Variants in TANC2 observed in about 807,000 individuals in gnomAD.
The protein encoded by TANC2 is protein TANC2.
A neutral mutation model predicts 210.5 loss-of-function variants in TANC2; 26 were observed. The observed-to-expected ratio is 0.12, with a 90% CI of 0.09 to 0.17. TANC2 has a LOEUF of 0.17. Ranked by LOEUF, TANC2 falls within the 10% of genes least tolerant of loss-of-function variation. TANC2 has a pLI of 1.00. For synonymous variants in TANC2, 931 were observed against 967.1 expected (o/e 0.96, Z 0.69); for missense variants, 2,129 against 2,608.9 (o/e 0.82, Z 4.01).
At chr17:63,387,214 C>G (rs1039808018) in intron 15 of TANC2, among the ~76,000 whole-genome samples, 7 of 152,000 alleles carry the variant, frequency 4.6e-5, no homozygotes, top group African/African-American at 1.7e-4. Flanking sequence ...AATATCCCCA[C>G]AGGGAGAAAA....
intron 14 of TANC2, among the ~76,000 whole-genome samples, chr17:63,368,858 G>A (rs1056988178): frequency 1.1e-4 from 16 of 152,314 alleles, no homozygotes; most frequent in Middle Eastern, 3.4e-3. Context: ...AAAACGGGAA[G>A]ATAAAAAGTA....
intron 7 of TANC2, among the ~76,000 whole-genome samples, chr17:63,225,505 C>A (rs1256418354): frequency 2.0e-5 from 3 of 152,208 alleles, no homozygotes; most frequent in African/African-American, 7.2e-5. Context: ...TCACTGTCTA[C>A]TGTACATCTT....
chr17:63,332,568 C>T (rs533157557), intron 11 of TANC2: 121 of 317,594 alleles, frequency 3.8e-4, no homozygotes, highest in Non-Finnish European at 6.7e-5. Flanking sequence ...CACACAGGCC[C>T]CGCTGCCTCT....
At chr17:63,321,185 G>A (rs937568999) in intron 11 of TANC2, among the ~76,000 whole-genome samples, 2 of 151,396 alleles carry the variant, frequency 1.3e-5, no homozygotes, top group African/African-American at 4.9e-5. Context: ...GCAACAGAGT[G>A]AGACTCCATC....
intron 21 of TANC2, among the ~76,000 whole-genome samples, chr17:63,406,785 A>G (rs2147294798): frequency 6.6e-6 from 1 of 152,348 alleles, no homozygotes; most frequent in South Asian, 2.1e-4. Context: ...AAGTTAAAGG[A>G]GATGATGATC....
chr17:63,056,013 ATATATATATATG>A (rs1199818117), intron 2 of TANC2, among the ~76,000 whole-genome samples: 2 of 89,090 alleles, frequency 2.2e-5, no homozygotes, highest in African/African-American at 7.4e-5. Context: ...ATATATATAT[ATATATATATATG>A]CCAGGGGTGG....
intron 1 of TANC2, among the ~76,000 whole-genome samples, chr17:62,981,106 G>A: frequency 6.6e-6 from 1 of 152,162 alleles, no homozygotes; most frequent in East Asian, 1.9e-4. Context: ...TAAGTTCATG[G>A]TTTAGTGCTG....
At chr17:63,258,121 G>A (rs917308012) in intron 8 of TANC2, among the ~76,000 whole-genome samples, 1 of 152,106 alleles carries the variant, frequency 6.6e-6, no homozygotes, top group African/African-American at 2.4e-5. Context: ...GTTTTCCCTG[G>A]ATACGCTATT....
rs1440304981 is a variant in TANC2 at position 62,966,550 on chromosome 17, A to G, written c.-223A>G. ...AGCTGGCCCCCGAGCCGCCGCTGACAGGAGCACCGCCGCGGGCTGCGCTCG... is the reference window on the plus strand; with the variant it reads ...AGCTGGCCCCCGAGCCGCCGCTGACGGGAGCACCGCCGCGGGCTGCGCTCG... On this transcript the variant is annotated 5_prime_UTR_variant, in exon 1 of 28. Coordinates refer to ENST00000689528, the Ensembl canonical transcript of TANC2. The surrounding 1 kb of genome is among the most constrained non-coding windows in gnomAD (Gnocchi z 5.1). Among the ~76,000 whole-genome samples the G allele has an allele frequency of 4.7e-5, 7 of 150,476 alleles. No individual in the cohort carries two copies. Among genetic ancestry groups the G allele is most frequent in the Non-Finnish European group, 1.0e-4 (7 of 67,482 alleles).
chr17:63,254,123 A>G (rs2043125227), intron 8 of TANC2, among the ~76,000 whole-genome samples: 1 of 152,194 alleles, frequency 6.6e-6, no homozygotes, highest in African/African-American at 2.4e-5. Flanking sequence ...GTCAATGAAC[A>G]TGAAATGTCT....
chr17:63,426,874 G>A (rs374445155), exon 28 of TANC2: 13 of 152,340 alleles, frequency 8.5e-5, no homozygotes, highest in African/African-American at 3.1e-4. Flanking sequence ...TCTGGTTAGA[G>A]GGGGCTCAAC....
intron 15 of TANC2, among the ~76,000 whole-genome samples, chr17:63,384,663 A>G (rs748192972): frequency 4.6e-5 from 7 of 152,174 alleles, no homozygotes; most frequent in Non-Finnish European, 1.0e-4. Flanking sequence ...GTCAACAGAA[A>G]GGTAACTGTT....
In TANC2 at chr17:63,421,320, C is replaced by T. The variant is rs369786230; in HGVS notation, c.5590C>T (p.Leu1864Phe). 1 of 1,613,916 alleles carries T rather than the reference C, an allele frequency of 6.2e-7. No homozygotes were observed. The highest frequency in any genetic ancestry group is 1.3e-5 in the African/African-American group (1 of 74,914). ...GTTGCTGCATTCCCAAAGTGTAGGCCTTCGCTTCTCTCCATCTAGCAATAG... is the reference window on the plus strand; with the variant it reads ...GTTGCTGCATTCCCAAAGTGTAGGCTTTCGCTTCTCTCCATCTAGCAATAG... Residue 1864 changes from leucine to phenylalanine, a missense_variant, in exon 28 of 28, where the codon CTT becomes TTT. Physicochemically the swap from Leu to Phe is conservative, Grantham distance 22 (BLOSUM62 0). Coordinates refer to ENST00000689528, the Ensembl canonical transcript of TANC2. This position sits in a 1 kb window ranked among gnomAD's most constrained non-coding sequence, Gnocchi z 6.9.
Position 63,286,590 on chromosome 17 carries a change from T to C in TANC2, c.1159+18717T>C, listed in dbSNP as rs374964921. 1.1e-4 allele frequency among the ~76,000 whole-genome samples: 16 copies of C among 152,334 alleles called. No homozygotes were observed. The East Asian group carries it at 2.1e-3, about 20-fold the overall frequency. The stretch of plus-strand genomic sequence containing the variant: ...TTTGATGTGCCTTAGTGTCATTTTA[T>C]TCATGTTTCTTAAACTTGAGGTTTA... On this transcript the variant is annotated intron_variant, in intron 9 of 27. Coordinates refer to ENST00000689528, the Ensembl canonical transcript of TANC2.
At chr17:63,372,507 T>G (rs1415767825) in intron 14 of TANC2, among the ~76,000 whole-genome samples, 1 of 152,130 alleles carries the variant, frequency 6.6e-6, no homozygotes, top group Non-Finnish European at 1.5e-5. Flanking sequence ...GGTCATTCCT[T>G]TAGTTTAGCG....
At chr17:63,395,986 C>A in intron 18 of TANC2, 58 bp downstream of exon 18, 2 of 1,481,478 alleles carry the variant, frequency 1.3e-6, no homozygotes, top group Non-Finnish European at 9.1e-7. Context: ...ACCCAGGAAA[C>A]CAGGAGAAAA....
At chr17:63,356,032 A>G (rs1278160188) in intron 14 of TANC2, among the ~76,000 whole-genome samples, 2 of 152,110 alleles carry the variant, frequency 1.3e-5, no homozygotes, top group Non-Finnish European at 2.9e-5. Context: ...ACATGGGAGA[A>G]GGGAGGGGCA....
chr17:63,402,112 C>T (rs1159064573), intron 19 of TANC2, among the ~76,000 whole-genome samples: 5 of 152,200 alleles, frequency 3.3e-5, no homozygotes, highest in African/African-American at 9.6e-5. Flanking sequence ...CCTCCAGTCT[C>T]ATATATTGCC....
chr17:63,286,916 G>T (rs551272296), intron 9 of TANC2, among the ~76,000 whole-genome samples: 1 of 152,098 alleles, frequency 6.6e-6, no homozygotes, highest in South Asian at 2.1e-4. Flanking sequence ...GGGTGTGTGT[G>T]TGTTTGTTTG....
Sources: allele counts gnomAD v4.1 joint callset (sites outside exome capture counted in the v4.1 genomes callset), GRCh38; gene constraint gnomAD v4.1.1; non-coding constraint Gnocchi (gnomAD v3.1); transcripts MANE v1.5; gene names NCBI Gene and HGNC (gene_info 2026-07-23, HGNC 2026-07-21).